Variants in ABCD2 observed in about 807,000 individuals in gnomAD.
The protein encoded by ABCD2 is ATP binding cassette subfamily D member 2.
Under a neutral mutation model 70.9 loss-of-function variants are expected in ABCD2, and 36 were observed. The observed-to-expected ratio is 0.51, with a 90% confidence interval of 0.39 to 0.67. ABCD2 has a LOEUF of 0.67. Ranked by LOEUF, ABCD2 falls within the 30% of genes least tolerant of loss-of-function variation. The pLI is 0.00. For synonymous variants in ABCD2, 304 were observed against 306.9 expected (o/e 0.99, Z 0.10); for missense variants, 729 against 890.2 (o/e 0.82, Z 2.30).
rs1331595617 is a variant in ABCD2 at position 39,604,902 on chromosome 12, C to T, written c.1265G>A (p.Arg422Gln). 1.9e-6 allele frequency: 3 copies of T among 1,609,586 alleles called. No homozygotes were observed. The highest frequency in any genetic ancestry group is 2.5e-6 in the Non-Finnish European group (3 of 1,178,214). ...EVTELAGYTARVYNMFWVFDE... is the reference protein window; with the variant it reads ...EVTELAGYTAQVYNMFWVFDE... ...AAAGACCCAAAACATATTGTACACT[C>T]GAGCAGTGTAGCCTGCTAATTCAGT... Residue 422 changes from arginine to glutamine, a missense_variant, in exon 4 of 10, where the codon CGA (arginine) becomes CAA (glutamine). Arg to Gln is a conservative substitution (Grantham distance 43, BLOSUM62 1). Coordinates refer to ENST00000308666, the MANE Select transcript of ABCD2 (RefSeq NM_005164.4).
chr12:39,617,360 A>G (rs1033861386), intron 1 of ABCD2, among the ~76,000 whole-genome samples, 192 bp from the exon 2 acceptor site: 34 of 152,188 alleles, frequency 2.2e-4, no homozygotes, highest in South Asian at 2.1e-4. Flanking sequence ...ACATAATGTT[A>G]GGTATAAAAT....
At chr12:39,559,730 C>T (rs1211127076) in intron 9 of ABCD2, among the ~76,000 whole-genome samples, 4 of 152,040 alleles carry the variant, frequency 2.6e-5, no homozygotes, top group Non-Finnish European at 5.9e-5. Flanking sequence ...ACATATTCAA[C>T]GTGCTGAAGG....
intron 7 of ABCD2, among the ~76,000 whole-genome samples, chr12:39,582,067 A>G (rs1941603252): frequency 6.6e-6 from 1 of 152,236 alleles, no homozygotes; most frequent in Non-Finnish European, 1.5e-5. Flanking sequence ...GCTTCTTTCA[A>G]ATTAAATAAT....
At chr12:39,577,692 T>G (rs1278214853) in intron 8 of ABCD2, among the ~76,000 whole-genome samples, 1 of 152,160 alleles carries the variant, frequency 6.6e-6, no homozygotes, top group Non-Finnish European at 1.5e-5. Context: ...TAATTATTAC[T>G]AATTTAATTA....
At chr12:39,534,350 A>T in the ABCD2 span, among the ~76,000 whole-genome samples, 1 of 152,202 alleles carries the variant, frequency 6.6e-6, no homozygotes, top group Non-Finnish European at 1.5e-5. Context: ...TTTGGAATCA[A>T]ATCCCAGCTT....
At chr12:39,589,985 C>G (rs1941723512) in intron 6 of ABCD2, among the ~76,000 whole-genome samples, 1 of 151,928 alleles carries the variant, frequency 6.6e-6, no homozygotes, top group Admixed American at 6.5e-5. Flanking sequence ...ATGTTAAAGC[C>G]ACCACTGAAT....
At chr12:39,575,649 T>C (rs925698392) in intron 8 of ABCD2, among the ~76,000 whole-genome samples, 9 of 152,214 alleles carry the variant, frequency 5.9e-5, no homozygotes, top group African/African-American at 1.9e-4. Context: ...CTCAAGTCTT[T>C]CACATCACAA....
At position 39,553,736 on chromosome 12, in the gene ABCD2, A is replaced by G. The variant is rs1941120967; in HGVS notation, c.*176T>C. The G allele has an allele frequency of 6.8e-6, 4 of 587,910 alleles. No individual in the cohort carries two copies. In the South Asian group the frequency reaches 8.8e-5, roughly 13 times the overall value. The allele number at this position is 587,910 out of a possible 1,614,324, so 36.4% of individuals were successfully genotyped here. On this transcript the variant is annotated 3_prime_UTR_variant, in exon 10 of 10. Coordinates refer to ENST00000308666, the MANE Select transcript of ABCD2 (RefSeq NM_005164.4). The stretch of plus-strand genomic sequence containing the variant: ...CATAATGACTGACCTTACATAATGC[A>G]TTTGTTTATTTTCTTCTGAAAAGTC...
Position 39,618,980 on chromosome 12 carries a change from C to G in ABCD2, c.636G>C (p.Glu212Asp). 1 of 1,614,174 alleles carries G rather than the reference C, an allele frequency of 6.2e-7. No homozygotes were observed. Among genetic ancestry groups the G allele is most frequent in the Non-Finnish European group, 8.5e-7 (1 of 1,180,030 alleles). ...CAGATTGGGAGAACATCATAATATC[C>G]TCCGTAAGAGATTGGTCAGGGTTTG... ...RLANPDQSLTEDIMMFSQSVA... is the reference protein window; with the variant it reads ...RLANPDQSLTDDIMMFSQSVA... The change falls in exon 1 of 10, where the codon GAG (glutamate) becomes GAC (aspartate). Residue 212 changes from glutamate (E) to aspartate (D), a missense_variant. This residue lies in a region of ABCD2 where 245 missense variants were observed against 261.2 expected (regional missense o/e 0.94). Coordinates refer to ENST00000308666, the MANE Select transcript of ABCD2 (RefSeq NM_005164.4).
At chr12:39,565,355 A>C (rs1034182258) in intron 9 of ABCD2, among the ~76,000 whole-genome samples, 1 of 152,100 alleles carries the variant, frequency 6.6e-6, no homozygotes, top group African/African-American at 2.4e-5. Context: ...ATCCCTTGTA[A>C]GTTGGATTCC....
At chr12:39,618,211 A>G (rs1030189061) in intron 1 of ABCD2, among the ~76,000 whole-genome samples, 4 of 152,168 alleles carry the variant, frequency 2.6e-5, no homozygotes, top group Non-Finnish European at 5.9e-5. Context: ...AATGTCTTCT[A>G]TAAGAAACCC....
intron 2 of ABCD2, among the ~76,000 whole-genome samples, chr12:39,616,004 C>G (rs762074756): frequency 6.6e-6 from 1 of 152,074 alleles, no homozygotes; most frequent in Non-Finnish European, 1.5e-5. Context: ...TCTGAAGTAG[C>G]CTTTCTGGTT....
In ABCD2 at chr12:39,553,816, T is replaced by C; in HGVS notation, c.*96A>G. 1.1e-6 allele frequency: 1 copy of C among 928,114 alleles called. No homozygotes were observed. Among genetic ancestry groups the C allele is most frequent in the Non-Finnish European group, 1.6e-6 (1 of 634,608 alleles). 57.5% of individuals were successfully genotyped at this position (928,114 alleles called of 1,614,324 possible). On this transcript the variant is annotated 3_prime_UTR_variant, in exon 10 of 10. Transcript: ENST00000308666. ...TTATAAAACATGTCTTGCTGCCTTTTTTTCTCTGTGCTTAGCTTAACATAC... is the reference window on the plus strand; with the variant it reads ...TTATAAAACATGTCTTGCTGCCTTTCTTTCTCTGTGCTTAGCTTAACATAC...
chr12:39,577,962 TAGCCAACTGAGTGCTTAGTGTG>T (rs1455867133), intron 8 of ABCD2, among the ~76,000 whole-genome samples: 5 of 152,180 alleles, frequency 3.3e-5, no homozygotes, highest in Admixed American at 6.5e-5. Context: ...AAAAAATGAA[TAGCCAACTGAGTGCTTAGTGTG>T]AGCCAACTGA....
chr12:39,587,139 T>C (rs886117515), intron 6 of ABCD2, among the ~76,000 whole-genome samples: 3 of 152,178 alleles, frequency 2.0e-5, no homozygotes, highest in African/African-American at 7.2e-5. Flanking sequence ...TTATTTGTAA[T>C]AGCAAAATAC....
intron 9 of ABCD2, among the ~76,000 whole-genome samples, chr12:39,570,990 A>G (rs1292959055): frequency 6.6e-6 from 1 of 151,898 alleles, no homozygotes; most frequent in African/African-American, 2.4e-5. Context: ...CAGGCATATC[A>G]AAAAATGCTC....
chr12:39,574,128 G>T (rs553803019), intron 8 of ABCD2, among the ~76,000 whole-genome samples: 1 of 152,202 alleles, frequency 6.6e-6, no homozygotes, highest in African/African-American at 2.4e-5. Context: ...GAAAGATGAG[G>T]CAGGTCACTG....
intron 9 of ABCD2, among the ~76,000 whole-genome samples, chr12:39,559,476 C>A (rs903570976): frequency 6.8e-6 from 1 of 147,972 alleles, no homozygotes; most frequent in African/African-American, 2.5e-5. Context: ...TTAAATAAAT[C>A]ATAGCAGAAA....
chr12:39,588,608 G>A (rs1381050504), intron 6 of ABCD2, among the ~76,000 whole-genome samples: 1 of 152,124 alleles, frequency 6.6e-6, no homozygotes, highest in African/African-American at 2.4e-5. Context: ...TCAGGAATGC[G>A]AGAAAATAAA....
Sources: allele counts gnomAD v4.1 joint callset (sites outside exome capture counted in the v4.1 genomes callset), GRCh38; gene constraint gnomAD v4.1.1; regional missense constraint gnomAD v4.1.1; transcripts MANE v1.5; gene names NCBI Gene and HGNC (gene_info 2026-07-23, HGNC 2026-07-21).